Variants in NICOL1 observed in about 807,000 individuals in gnomAD.
NICOL1 encodes NELL2-interacting cell ontogeny regulator 1.
chr4:2,043,014 G>A, the NICOL1 span, among the ~76,000 whole-genome samples: 1 of 152,240 alleles, frequency 6.6e-6, no homozygotes, highest in East Asian at 1.9e-4. Flanking sequence ...TCTCACCTAT[G>A]AGACGCCCCT....
At chr4:2,041,174 A>T in the NICOL1 span, among the ~76,000 whole-genome samples, 1 of 139,722 alleles carries the variant, frequency 7.2e-6, no homozygotes, top group African/African-American at 2.8e-5. Flanking sequence ...GGGCGCCAGC[A>T]CCCACGTGCG....
the NICOL1 span, chr4:2,042,449 G>A: frequency 2.3e-6 from 1 of 430,706 alleles, no homozygotes. Flanking sequence ...GCCCGGGCCC[G>A]CGCCGAGCCC....
chr4:2,041,296 G>A, the NICOL1 span, among the ~76,000 whole-genome samples: 1 of 152,156 alleles, frequency 6.6e-6, no homozygotes, highest in Non-Finnish European at 1.5e-5. Context: ...ATTCGCACTT[G>A]CCGGGCGCCC....
chr4:2,042,143 G>T, the NICOL1 span: 1 of 1,458,748 alleles, frequency 6.9e-7, no homozygotes. Context: ...CGCTGGGCCC[G>T]GAGACCGGCG....
chr4:2,039,682 A>G, the NICOL1 span, among the ~76,000 whole-genome samples: 1 of 151,802 alleles, frequency 6.6e-6, no homozygotes, highest in Admixed American at 6.6e-5. Context: ...AAAGAAAAAA[A>G]TACAAAAATT....
chr4:2,038,428 C>G, the NICOL1 span, among the ~76,000 whole-genome samples: 3 of 151,608 alleles, frequency 2.0e-5, no homozygotes, highest in Non-Finnish European at 4.4e-5. Context: ...GATGGGATTA[C>G]AGGCATGCAC....
the NICOL1 span, among the ~76,000 whole-genome samples, chr4:2,039,408 C>G: frequency 1.3e-5 from 2 of 150,012 alleles, no homozygotes; most frequent in South Asian, 4.2e-4. Context: ...AGCAAGATTG[C>G]GTCTCAAAAA....
chr4:2,042,378 C>T, the NICOL1 span: 1 of 516,100 alleles, frequency 1.9e-6, no homozygotes, highest in Non-Finnish European at 3.4e-6. Flanking sequence ...CGTGCCGGTC[C>T]CCGATGTCAC....
At chr4:2,037,079 C>T in the NICOL1 span, among the ~76,000 whole-genome samples, 385 of 152,164 alleles carry the variant, frequency 2.5e-3, 1 homozygote, top group African/African-American at 8.7e-3. Flanking sequence ...TGAGTTCTCA[C>T]GAGATCTTGT....
chr4:2,038,971 C>G, the NICOL1 span, among the ~76,000 whole-genome samples: 13 of 152,320 alleles, frequency 8.5e-5, no homozygotes, highest in Non-Finnish European at 1.5e-4. Context: ...TATCAACATA[C>G]AGTTTTGGTA....
chr4:2,041,766 G>A, the NICOL1 span: 1 of 456,496 alleles, frequency 2.2e-6, no homozygotes, highest in Non-Finnish European at 3.8e-6. Flanking sequence ...TTCTCCCGCC[G>A]GCCTTGCGCT....
At chr4:2,042,938 T>C in the NICOL1 span, 4 of 668,534 alleles carry the variant, frequency 6.0e-6, no homozygotes, top group African/African-American at 1.9e-5. Flanking sequence ...TTCACCCCGA[T>C]TTAAGATGCC....
At chr4:2,041,878 A>G in the NICOL1 span, 1 of 1,133,626 alleles carries the variant, frequency 8.8e-7, no homozygotes, top group Non-Finnish European at 1.2e-6. Context: ...GGCCAGGGCC[A>G]GGCACACCCG....
At chr4:2,043,946 G>A in the NICOL1 span, 1 of 1,534,798 alleles carries the variant, frequency 6.5e-7, no homozygotes, top group South Asian at 1.2e-5. Context: ...TGCTCCGTGT[G>A]AATAAATGCC....
chr4:2,038,678 C>G, the NICOL1 span, among the ~76,000 whole-genome samples: 1 of 152,086 alleles, frequency 6.6e-6, no homozygotes, highest in African/African-American at 2.4e-5. Context: ...TTTTGTGAAG[C>G]ATTCAAATCT....
chr4:2,043,790 G>A, the NICOL1 span: 1 of 1,353,046 alleles, frequency 7.4e-7, no homozygotes, highest in East Asian at 2.5e-5. Context: ...GGCTGCCTTG[G>A]GTGGGTGGAG....
chr4:2,043,523 G>C, the NICOL1 span, among the ~76,000 whole-genome samples: 1 of 152,188 alleles, frequency 6.6e-6, no homozygotes, highest in African/African-American at 2.4e-5. Context: ...GCCTGGAACT[G>C]AGCTCTTGGG....
chr4:2,040,268 G>A, the NICOL1 span, among the ~76,000 whole-genome samples: 2 of 152,118 alleles, frequency 1.3e-5, no homozygotes. Flanking sequence ...CACCATACCC[G>A]GCTAATTTTT....
chr4:2,043,803 C>T, the NICOL1 span: 1 of 1,473,722 alleles, frequency 6.8e-7, no homozygotes, highest in Non-Finnish European at 9.2e-7. Flanking sequence ...GGGTGGAGGC[C>T]CAGGGGAATG....
Sources: gnomAD v4.1 joint callset for allele counts (sites outside exome capture counted in the v4.1 genomes callset) on GRCh38, gnomAD v4.1.1 for gene constraint, MANE v1.5 for transcripts, NCBI Gene and HGNC (gene_info 2026-07-23, HGNC 2026-07-21) for gene names.